SIRPG: variants seen among roughly 807,000 people sequenced by gnomAD.
The protein encoded by SIRPG is signal regulatory protein gamma, also known as signal-regulatory protein gamma.
In SIRPG, 38 loss-of-function variants were observed where a neutral mutation model predicts 35.7. The ratio of observed to expected loss-of-function variants is 1.06; its 90% confidence interval spans 0.82 to 1.40. The LOEUF is 1.40. SIRPG is among the 40% of genes most tolerant of loss of function. The pLI is 0.00. For missense variants in SIRPG, 519 were observed against 483.0 expected (o/e 1.07, Z -0.70); for synonymous variants, 215 against 190.4 (o/e 1.13, Z -1.06).
chr20:1,631,007 C>T (rs981369565), intron 4 of SIRPG, among the ~76,000 whole-genome samples: 1 of 152,122 alleles, frequency 6.6e-6, no homozygotes, highest in African/African-American at 2.4e-5. Flanking sequence ...CCTAGGCCAC[C>T]TCCACCCCAG....
At position 1,635,487 on chromosome 20, in the gene SIRPG, C is replaced by T; in HGVS notation, c.861G>A (p.Glu287=). The T allele has an allele frequency of 6.2e-7, 1 of 1,614,176 alleles. No homozygotes were observed. Among genetic ancestry groups the T allele is most frequent in the South Asian group, 1.1e-5 (1 of 91,084 alleles). The change falls in exon 4 of 6, where the codon GAG becomes GAA. Residue 287 remains glutamate, a synonymous_variant. Coordinates refer to ENST00000303415, the MANE Select transcript of SIRPG (RefSeq NM_018556.4). The stretch of plus-strand genomic sequence containing the variant: ...TTTCTCTCTGGCACACGTTTCCATT[C>T]TCCGACCAGGTCAGCTGTAGGCTCT... ...YPQSLQLTWS[E]NGNVCQRETA...
chr20:1,636,059 C>A (rs1215818220), intron 3 of SIRPG, 129 bp downstream of exon 3: 4 of 1,319,946 alleles, frequency 3.0e-6, no homozygotes, highest in African/African-American at 1.5e-5. Flanking sequence ...CACCTAGGTG[C>A]ATGGCGGGCG....
chr20:1,686,284 C>T, the SIRPG span, among the ~76,000 whole-genome samples: 1 of 151,998 alleles, frequency 6.6e-6, no homozygotes, highest in Non-Finnish European at 1.5e-5. Context: ...GCAGGGATTT[C>T]AGGGCTGCAA....
intron 2 of SIRPG, among the ~76,000 whole-genome samples, chr20:1,642,960 C>G (rs186163126): frequency 2.6e-5 from 4 of 152,210 alleles, no homozygotes; most frequent in African/African-American, 7.2e-5. Context: ...ATGGACTTCC[C>G]TTTGTAGGTG....
chr20:1,649,628 T>C (rs558061828), intron 1 of SIRPG, among the ~76,000 whole-genome samples: 71 of 97,280 alleles, frequency 7.3e-4, no homozygotes, highest in African/African-American at 2.3e-3. Context: ...ACAGAGAGGT[T>C]CTTTTTTTTT....
Position 1,635,392 on chromosome 20 carries a change from G to A in SIRPG, c.956C>T (p.Ser319Phe), listed in dbSNP as rs1316683956. 2 of 1,614,142 alleles carry A rather than the reference G, an allele frequency of 1.2e-6. No homozygotes were observed. The highest frequency in any genetic ancestry group is 1.7e-5 in the Admixed American group (1 of 60,024). ...NWTSWFLVNI[S>F]DQRDDVVLTC... ...GAGGACCACATCATCCCTTTGGTCAGATATGTTCACCAGGAACCAGCTTGT... is the reference window on the plus strand; with the variant it reads ...GAGGACCACATCATCCCTTTGGTCAAATATGTTCACCAGGAACCAGCTTGT... Residue 319 changes from serine to phenylalanine, a missense_variant, in exon 4 of 6, where the codon TCT (serine) becomes TTT (phenylalanine). Coordinates refer to ENST00000303415, the MANE Select transcript of SIRPG (RefSeq NM_018556.4).
chr20:1,637,264 G>A (rs999502219), intron 2 of SIRPG: 10 of 237,540 alleles, frequency 4.2e-5, no homozygotes, highest in South Asian at 1.9e-4. Flanking sequence ...GGAGTCAAGC[G>A]TTTGTAAGAG....
At chr20:1,675,731 G>A in the SIRPG span, among the ~76,000 whole-genome samples, 3 of 152,088 alleles carry the variant, frequency 2.0e-5, no homozygotes, top group Middle Eastern at 3.2e-3. Flanking sequence ...GTTACATTAG[G>A]ATTAGAGACA....
At chr20:1,663,170 G>A in the SIRPG span, among the ~76,000 whole-genome samples, 2 of 151,982 alleles carry the variant, frequency 1.3e-5, no homozygotes, top group East Asian at 1.9e-4. Context: ...AAAATTAGCC[G>A]GGCGTGGTGG....
At position 1,636,487 on chromosome 20, in the gene SIRPG, ACGG is replaced by A. The variant is rs1463231423; in HGVS notation, c.446_448del (p.Pro149_Val150delinsLeu). ...GGTCCTCGCCGCAGGGCCCAATACC[ACGG>A]GGGCAGAGGGTTTGGCTACAAAAGG... On this transcript the variant is annotated inframe_deletion, in exon 3 of 6. Transcript: ENST00000303415. 11 of 1,614,058 alleles carry A rather than the reference ACGG, an allele frequency of 6.8e-6. No individual in the cohort carries two copies. The highest frequency in any genetic ancestry group is 9.3e-6 in the Non-Finnish European group (11 of 1,179,994).
the SIRPG span, among the ~76,000 whole-genome samples, chr20:1,675,916 T>A: frequency 2.0e-5 from 3 of 152,140 alleles, no homozygotes; most frequent in Non-Finnish European, 2.9e-5. Flanking sequence ...AACAAGTGGC[T>A]CCTCCTTCCT....
chr20:1,674,879 C>T, the SIRPG span, among the ~76,000 whole-genome samples: 1 of 152,168 alleles, frequency 6.6e-6, no homozygotes, highest in African/African-American at 2.4e-5. Context: ...GATGAGGAAA[C>T]TGAGGCTGAG....
chr20:1,663,749 C>T, the SIRPG span, among the ~76,000 whole-genome samples: 17 of 152,348 alleles, frequency 1.1e-4, no homozygotes, highest in South Asian at 4.1e-4. Context: ...TGAACTGTCG[C>T]GGCATTCCTG....
At chr20:1,640,618 T>A (rs2091844679) in intron 2 of SIRPG, among the ~76,000 whole-genome samples, 1 of 152,340 alleles carries the variant, frequency 6.6e-6, no homozygotes, top group South Asian at 2.1e-4. Flanking sequence ...CTTGCCTGAT[T>A]GCTCTGGACA....
chr20:1,632,773 G>A (rs1010732401), intron 4 of SIRPG, among the ~76,000 whole-genome samples: 3 of 151,942 alleles, frequency 2.0e-5, no homozygotes, highest in South Asian at 2.1e-4. Context: ...AGCCATAAAC[G>A]GAGGCAAAGG....
chr20:1,674,025 G>A, the SIRPG span, among the ~76,000 whole-genome samples: 1 of 152,162 alleles, frequency 6.6e-6, no homozygotes, highest in South Asian at 2.1e-4. Flanking sequence ...AGATGTCTCT[G>A]GCCCATGTTA....
the SIRPG span, chr20:1,670,759 A>G: frequency 5.8e-5 from 11 of 189,980 alleles, no homozygotes; most frequent in East Asian, 2.0e-3. Context: ...GGTGCATGGA[A>G]GGTGGGCAGC....
intron 2 of SIRPG, among the ~76,000 whole-genome samples, chr20:1,643,932 G>A (rs574170294): frequency 1.3e-5 from 2 of 152,210 alleles, no homozygotes; most frequent in East Asian, 1.9e-4. Context: ...GGCAAAGATG[G>A]GTGCCTGCTC....
upstream of SIRPG, among the ~76,000 whole-genome samples, chr20:1,659,337 G>T (rs1234584652): frequency 6.6e-6 from 1 of 152,200 alleles, no homozygotes; most frequent in Non-Finnish European, 1.5e-5. Flanking sequence ...TGTTTTAATT[G>T]AAAGTCCTGT....
Sources: allele counts gnomAD v4.1 joint callset (sites outside exome capture counted in the v4.1 genomes callset), GRCh38; gene constraint gnomAD v4.1.1; transcripts MANE v1.5; gene names NCBI Gene and HGNC (gene_info 2026-07-23, HGNC 2026-07-21).